The following COG5 variants were observed in gnomAD, a reference collection of about 807,000 sequenced individuals.
The protein encoded by COG5 is component of oligomeric golgi complex 5.
In COG5, 86 loss-of-function variants were observed where a neutral mutation model predicts 110.4. The observed-to-expected ratio is 0.78, with a 90% confidence interval of 0.65 to 0.93. The LOEUF (loss-of-function observed/expected upper bound fraction) is 0.93. Among genes scored for constraint, COG5 ranks in the 40% least tolerant of loss-of-function variants. The probability of loss-of-function intolerance (pLI) is 0.00; values close to 1 mark genes in which losing one functional copy is unlikely to be tolerated. For missense variants in COG5, 1,077 were observed against 987.0 expected (o/e 1.09, Z -1.22); for synonymous variants, 360 against 334.6 (o/e 1.08, Z -0.83).
chr7:107,311,551 G>T (rs1232694722), intron 11 of COG5, among the ~76,000 whole-genome samples: 1 of 149,342 alleles, frequency 6.7e-6, no homozygotes, highest in Non-Finnish European at 1.5e-5. Flanking sequence ...CCGCCACCGC[G>T]CCCGGCTAAT....
chr7:107,281,392 T>A lies in COG5; in HGVS notation c.1483A>T (p.Asn495Tyr). ...AGGTTTGTATCAACAGCAGCAACAT[T>A]TAGTTCACTGGAGAAAATGAAAACA... ...GIIKTIASEL[N>Y]VAAVDTNLTL... Residue 495 changes from asparagine (N) to tyrosine (Y), a missense_variant, in exon 14 of 22, where the codon AAT becomes TAT. Asn to Tyr is a moderately radical substitution (Grantham distance 143). Transcript: ENST00000297135. 3 of 1,611,808 alleles carry A rather than the reference T, an allele frequency of 1.9e-6. No individual in the cohort carries two copies. The highest frequency in any genetic ancestry group is 2.5e-6 in the Non-Finnish European group (3 of 1,178,066).
At chr7:107,344,502 T>C (rs762780916) in intron 10 of COG5, among the ~76,000 whole-genome samples, 14 of 152,268 alleles carry the variant, frequency 9.2e-5, no homozygotes, top group Admixed American at 2.6e-4. Flanking sequence ...TTTTGTCATA[T>C]CAGCAATAAG....
intron 7 of COG5, among the ~76,000 whole-genome samples, chr7:107,405,088 T>G (rs1584780523): frequency 6.6e-6 from 1 of 152,160 alleles, no homozygotes; most frequent in African/African-American, 2.4e-5. Flanking sequence ...AATAAACTGC[T>G]TGGTCTTACT....
At chr7:107,206,726 C>T (rs1334688307) in intron 21 of COG5, among the ~76,000 whole-genome samples, 3 of 147,516 alleles carry the variant, frequency 2.0e-5, no homozygotes, top group Non-Finnish European at 4.6e-5. Context: ...GTAAGTTACA[C>T]AACATGTAGA....
chr7:107,260,407 G>C (rs188680460), intron 14 of COG5, among the ~76,000 whole-genome samples: 105 of 152,282 alleles, frequency 6.9e-4, no homozygotes, highest in African/African-American at 2.5e-3. Flanking sequence ...GGAAATTGCA[G>C]TGGGGCAGTG....
intron 5 of COG5, among the ~76,000 whole-genome samples, chr7:107,541,496 C>CAAA (rs869244428): frequency 7.5e-4 from 24 of 31,944 alleles, no homozygotes; most frequent in South Asian, 1.7e-3. Flanking sequence ...GACCCTGTCT[C>CAAA]AAAAAAAAAA....
intron 11 of COG5, among the ~76,000 whole-genome samples, chr7:107,320,230 C>T (rs925761123): frequency 2.0e-5 from 3 of 152,094 alleles, no homozygotes; most frequent in Admixed American, 2.0e-4. Context: ...TTTTACCTAC[C>T]TTATGCTGGA....
chr7:107,462,404 G>A (rs563830924), intron 6 of COG5, among the ~76,000 whole-genome samples: 20 of 152,186 alleles, frequency 1.3e-4, no homozygotes, highest in Admixed American at 1.2e-3. Context: ...TGAAAGGCCT[G>A]ACAAAGCATT....
chr7:107,346,712 T>A (rs1811639877), intron 10 of COG5, among the ~76,000 whole-genome samples: 1 of 152,104 alleles, frequency 6.6e-6, no homozygotes, highest in African/African-American at 2.4e-5. Flanking sequence ...TCTTTTTTTT[T>A]ATTATTATAC....
intron 7 of COG5, among the ~76,000 whole-genome samples, chr7:107,394,083 T>G (rs1377059410): frequency 6.6e-6 from 1 of 151,920 alleles, no homozygotes; most frequent in Non-Finnish European, 1.5e-5. Context: ...TGCCTCAGCC[T>G]CCCACGTAGC....
At chr7:107,298,981 A>C (rs1807009885) in intron 11 of COG5, among the ~76,000 whole-genome samples, 5 of 152,190 alleles carry the variant, frequency 3.3e-5, no homozygotes, top group Admixed American at 2.6e-4. Flanking sequence ...AAGTATTTTG[A>C]ACTGAACGAA....
intron 6 of COG5, among the ~76,000 whole-genome samples, chr7:107,471,077 G>A (rs1421580472): frequency 6.6e-6 from 1 of 151,852 alleles, no homozygotes; most frequent in East Asian, 1.9e-4. Flanking sequence ...TGAAAATACA[G>A]GTTAGCTTCT....
At chr7:107,501,880 C>T (rs1398466723) in intron 6 of COG5, among the ~76,000 whole-genome samples, 1 of 152,024 alleles carries the variant, frequency 6.6e-6, no homozygotes, top group African/African-American at 2.4e-5. Context: ...TGTCATTACA[C>T]TGTAGATATA....
chr7:107,311,709 A>G (rs1808285863), intron 11 of COG5, among the ~76,000 whole-genome samples: 1 of 151,908 alleles, frequency 6.6e-6, no homozygotes, highest in South Asian at 2.1e-4. Flanking sequence ...TTTTCCCTAT[A>G]GAGTTTTTGG....
intron 6 of COG5, among the ~76,000 whole-genome samples, chr7:107,514,369 C>CACACACACACAT (rs1563076917): frequency 7.2e-6 from 1 of 139,712 alleles, no homozygotes; most frequent in African/African-American, 2.8e-5. Flanking sequence ...CACACACACA[C>CACACACACACAT]ATATTTTATA....
chr7:107,541,685 CA>C (rs1475787438), intron 5 of COG5, among the ~76,000 whole-genome samples: 1 of 150,900 alleles, frequency 6.6e-6, no homozygotes, highest in Non-Finnish European at 1.5e-5. Context: ...GTAATCCCAG[CA>C]CTTTGGGAGG....
At chr7:107,272,643 T>C (rs1804372063) in intron 14 of COG5, among the ~76,000 whole-genome samples, 1 of 152,208 alleles carries the variant, frequency 6.6e-6, no homozygotes, top group Non-Finnish European at 1.5e-5. Context: ...TATAATTTCC[T>C]AGGATCTACA....
intron 6 of COG5, among the ~76,000 whole-genome samples, chr7:107,500,785 T>A (rs1331481067): frequency 1.3e-5 from 2 of 152,166 alleles, no homozygotes; most frequent in East Asian, 3.8e-4. Flanking sequence ...TTCAAATCTC[T>A]AACACAGAAG....
At chr7:107,404,774 C>T (rs562291070) in intron 7 of COG5, among the ~76,000 whole-genome samples, 2 of 150,640 alleles carry the variant, frequency 1.3e-5, no homozygotes, top group East Asian at 2.0e-4. Flanking sequence ...TGTGAGAGGA[C>T]TCTCAGTGAA....
Sources: allele counts gnomAD v4.1 joint callset (sites outside exome capture counted in the v4.1 genomes callset), GRCh38; gene constraint gnomAD v4.1.1; transcripts MANE v1.5; gene names NCBI Gene and HGNC (gene_info 2026-07-23, HGNC 2026-07-21).